Variants in SEC24B observed in about 807,000 individuals in gnomAD.
The protein encoded by SEC24B is SEC24 homolog B, COPII component, also known as protein transport protein Sec24B.
In SEC24B, 45 loss-of-function variants were observed where a neutral mutation model predicts 142.8. The observed-to-expected ratio is 0.32, with a 90% confidence interval of 0.25 to 0.40. The LOEUF (loss-of-function observed/expected upper bound fraction) is 0.40, where lower values mean the gene tolerates loss of function less well. SEC24B is among the 10% of genes least tolerant of loss of function. The pLI, the probability that SEC24B is intolerant of heterozygous loss-of-function variation, is 1.00. For synonymous variants in SEC24B, 574 were observed against 568.2 expected (o/e 1.01, Z -0.15); for missense variants, 1,409 against 1,526.8 (o/e 0.92, Z 1.29).
At chr4:109,512,568 A>G (rs1204455988) in intron 9 of SEC24B, among the ~76,000 whole-genome samples, 2 of 152,118 alleles carry the variant, frequency 1.3e-5, no homozygotes, top group African/African-American at 2.4e-5. Flanking sequence ...TAAATAGGAT[A>G]CAAGTCTAAG....
chr4:109,437,036 A>C (rs1728471319), intron 1 of SEC24B, among the ~76,000 whole-genome samples: 1 of 152,232 alleles, frequency 6.6e-6, no homozygotes, highest in Non-Finnish European at 1.5e-5. Context: ...CTGGTTCCTC[A>C]GAAGTACAGA....
intron 6 of SEC24B, among the ~76,000 whole-genome samples, chr4:109,500,246 A>G (rs1292092299): frequency 6.6e-6 from 1 of 152,160 alleles, no homozygotes; most frequent in Non-Finnish European, 1.5e-5. Context: ...GGTTCTTGCC[A>G]TTGAAAGTAG....
chr4:109,503,216 C>T (rs1240652763), intron 6 of SEC24B, among the ~76,000 whole-genome samples: 9 of 150,876 alleles, frequency 6.0e-5, no homozygotes, highest in Admixed American at 2.6e-4. Flanking sequence ...TGTGCCACTA[C>T]GCCTGGCTAA....
At position 109,526,210 on chromosome 4, in the gene SEC24B, A is replaced by T; in HGVS notation, c.2792-16A>T. ...ACTATTGTTAACTTGATTTTTTATG[A>T]TTTTCTCCTTTTTAGGTCTTTCAAT... On this transcript the variant is annotated splice_polypyrimidine_tract_variant and intron_variant, in intron 16 of 23. Coordinates refer to ENST00000265175, the MANE Select transcript of SEC24B (RefSeq NM_006323.5). 1.2e-6 allele frequency: 2 copies of T among 1,609,152 alleles called. No homozygotes were observed. Among genetic ancestry groups the T allele is most frequent in the Non-Finnish European group, 1.7e-6 (2 of 1,178,210 alleles).
At position 109,526,254 on chromosome 4, in the gene SEC24B, C is replaced by T; in HGVS notation, c.2820C>T (p.Asn940=). The T allele has an allele frequency of 6.2e-7, 1 of 1,613,820 alleles. No individual in the cohort carries two copies. Among genetic ancestry groups the T allele is most frequent in the Middle Eastern group, 1.7e-4 (1 of 6,058 alleles). Residue 940 remains asparagine, a synonymous_variant, in exon 17 of 24, where the codon AAC becomes AAT. Coordinates refer to ENST00000265175, the MANE Select transcript of SEC24B (RefSeq NM_006323.5). The part of the protein sequence containing the change: ...KGLSMHTFHG[N]FFVRSTDLLS... ...TTTCAATGCACACTTTTCACGGTAACTTCTTTGTCCGTTCTACTGATTTGT... is the reference window on the plus strand; with the variant it reads ...TTTCAATGCACACTTTTCACGGTAATTTCTTTGTCCGTTCTACTGATTTGT...
intron 12 of SEC24B, among the ~76,000 whole-genome samples, chr4:109,520,861 G>A (rs577869538): frequency 3.3e-5 from 5 of 152,170 alleles, no homozygotes; most frequent in Middle Eastern, 3.4e-3. Context: ...GCGTTGTGGC[G>A]CATGCCTGTA....
intron 1 of SEC24B, among the ~76,000 whole-genome samples, chr4:109,460,324 T>G (rs1167866671): frequency 6.6e-6 from 1 of 152,172 alleles, no homozygotes; most frequent in African/African-American, 2.4e-5. Flanking sequence ...AGGAGTGTAG[T>G]GGTACTTCCT....
In SEC24B at chr4:109,449,005, A is replaced by G. The variant is rs72896653; in HGVS notation, c.134-13896A>G. Among the ~76,000 whole-genome samples, 553 of 150,814 alleles carry G rather than the reference A, an allele frequency of 3.7e-3. 5 individuals are homozygous for G. Among genetic ancestry groups the G allele is most frequent in the African/African-American group, 0.013 (538 of 41,136 alleles). ...TTGGGTATTTTGTAGACAGTTCCTC[A>G]CTTTGAGTTTGCTGATGCTTTCTCA... On this transcript the variant is annotated intron_variant, in intron 1 of 23. Transcript: ENST00000265175.
intron 6 of SEC24B, among the ~76,000 whole-genome samples, chr4:109,504,143 C>T (rs1263927060): frequency 2.6e-5 from 4 of 152,150 alleles, no homozygotes; most frequent in African/African-American, 9.7e-5. Flanking sequence ...TCCACACTGC[C>T]TACCATCCCA....
At chr4:109,484,760 G>A (rs1008705539) in intron 4 of SEC24B, among the ~76,000 whole-genome samples, 5 of 151,234 alleles carry the variant, frequency 3.3e-5, no homozygotes, top group Admixed American at 6.6e-5. Context: ...GCTGAGGCAG[G>A]AGAATTGCTT....
At chr4:109,437,665 C>T (rs1025800270) in intron 1 of SEC24B, among the ~76,000 whole-genome samples, 10 of 152,138 alleles carry the variant, frequency 6.6e-5, no homozygotes, top group Admixed American at 4.6e-4. Context: ...CGCTGTGTCG[C>T]CCAGGCTGGA....
intron 23 of SEC24B, among the ~76,000 whole-genome samples, chr4:109,539,294 A>G (rs1399547346): frequency 1.3e-5 from 2 of 150,986 alleles, no homozygotes; most frequent in African/African-American, 2.4e-5. Flanking sequence ...TTTTTAAGCA[A>G]TGGGGATCTT....
chr4:109,525,518 A>AC lies in SEC24B; in HGVS notation c.2791+14_2791+15insC, dbSNP rs766193482. On this transcript the variant is annotated intron_variant, in intron 16 of 23. Transcript: ENST00000265175. ...GGTGTACTAAAGGTATGAAGTTGTA[A>AC]AAGTTATATTTTATATTAAATACTT... is the stretch of plus-strand genomic sequence containing the variant. The AC allele has an allele frequency of 7.7e-6, 12 of 1,564,808 alleles. No individual in the cohort carries two copies. In the African/African-American group the frequency reaches 1.4e-4, roughly 18 times the overall value.
chr4:109,462,935 A>G lies in SEC24B; in HGVS notation c.168A>G (p.Gly56=). ...PAQNQMQVPS[G]YGLHHQNYIA... Reference sequence around the variant, plus strand: ...AGAATCAAATGCAGGTTCCATCTGGATATGGATTGCATCATCAAAACTATA... The same window carrying G: ...AGAATCAAATGCAGGTTCCATCTGGGTATGGATTGCATCATCAAAACTATA... Residue 56 remains glycine (G), a synonymous_variant, in exon 2 of 24, where the codon GGA becomes GGG. Coordinates refer to ENST00000265175, the MANE Select transcript of SEC24B (RefSeq NM_006323.5). 2 of 1,611,956 alleles carry G rather than the reference A, an allele frequency of 1.2e-6. No individual in the cohort carries two copies. The highest frequency in any genetic ancestry group is 1.1e-5 in the South Asian group (1 of 91,066).
chr4:109,503,924 A>T (rs1736429987), intron 6 of SEC24B, among the ~76,000 whole-genome samples: 1 of 151,964 alleles, frequency 6.6e-6, no homozygotes, highest in South Asian at 2.1e-4. Flanking sequence ...TAAATATCCT[A>T]CCTTTATTTT....
At chr4:109,441,602 T>G (rs1728934417) in intron 1 of SEC24B, among the ~76,000 whole-genome samples, 3 of 152,100 alleles carry the variant, frequency 2.0e-5, no homozygotes, top group Admixed American at 6.5e-5. Flanking sequence ...CAGCTAATTT[T>G]TGTATTTTTT....
Position 109,494,618 on chromosome 4 carries a change from T to C in SEC24B, c.1250T>C (p.Met417Thr), listed in dbSNP as rs766217776. The change falls in exon 6 of 24, where the codon ATG becomes ACG. Residue 417 changes from methionine (M) to threonine (T), a missense_variant. Around this residue, in one of 2 missense-constraint regions of SEC24B, gnomAD observed 709 missense variants for 673.5 expected, o/e 1.05. Transcript: ENST00000265175. Reference protein sequence around the residue: ...DALEGGSYPDMLSSSASSPAP... With the variant: ...DALEGGSYPDTLSSSASSPAP... ...ACCATGTGTTTCCATTTTTTAGATA[T>C]GCTTTCTTCATCAGCAAGCAGTCCT... is the stretch of plus-strand genomic sequence containing the variant. 2.5e-6 allele frequency: 4 copies of C among 1,613,906 alleles called. No individual in the cohort carries two copies. The highest frequency in any genetic ancestry group is 1.3e-5 in the African/African-American group (1 of 75,058).
At chr4:109,514,179 C>T (rs1737682465) in intron 10 of SEC24B, among the ~76,000 whole-genome samples, 1 of 152,082 alleles carries the variant, frequency 6.6e-6, no homozygotes, top group South Asian at 2.1e-4. Context: ...ACTCTCAAAA[C>T]AGAGAAATGC....
intron 2 of SEC24B, among the ~76,000 whole-genome samples, chr4:109,464,693 A>G (rs1731674870): frequency 6.6e-6 from 1 of 152,194 alleles, no homozygotes. Context: ...ATTGTGTATC[A>G]TTATCTGGAT....
Sources: allele counts gnomAD v4.1 joint callset (sites outside exome capture counted in the v4.1 genomes callset), GRCh38; gene constraint gnomAD v4.1.1; regional missense constraint gnomAD v4.1.1; transcripts MANE v1.5; gene names NCBI Gene and HGNC (gene_info 2026-07-23, HGNC 2026-07-21).